The following FRY variants were observed in gnomAD, a reference collection of about 807,000 sequenced individuals.
FRY encodes the protein protein furry homolog.
Under a neutral mutation model 348.4 loss-of-function variants are expected in FRY, and 128 were observed. The observed-to-expected ratio is 0.37, with a 90% CI of 0.32 to 0.43. The LOEUF is 0.43. FRY is among the 20% of genes least tolerant of loss of function. The pLI is 1.00. For missense variants in FRY, 2,736 were observed against 3,695.2 expected (o/e 0.74, Z 6.73); for synonymous variants, 1,370 against 1,374.7 (o/e 1.00, Z 0.08).
chr13:32,255,319 T>A (rs1039516788), intron 51 of FRY, among the ~76,000 whole-genome samples: 4 of 152,200 alleles, frequency 2.6e-5, no homozygotes, highest in African/African-American at 9.6e-5. Context: ...TAGGATTTCC[T>A]GCAGTAGGTA....
At chr13:32,155,283 CCCCTGTTGTTTTCTTATAAT>C (rs1881044279) in intron 14 of FRY, among the ~76,000 whole-genome samples, 188 bp from the exon 15 acceptor site, 1 of 152,190 alleles carries the variant, frequency 6.6e-6, no homozygotes, top group Admixed American at 6.5e-5. Context: ...GGTGAAATCT[CCCCTGTTGTTTTCTTATAAT>C]GCAACAAGAA....
chr13:32,237,646 C>T lies in FRY; in HGVS notation c.6078C>T (p.Asp2026=), dbSNP rs747974313. 4 of 1,614,142 alleles carry T rather than the reference C, an allele frequency of 2.5e-6. No individual in the cohort carries two copies. The highest frequency in any genetic ancestry group is 3.4e-6 in the Non-Finnish European group (4 of 1,179,988). The stretch of plus-strand genomic sequence containing the variant: ...CCAGAAGCTCATCCTCCTTGAAGGA[C>T]AGTCTCACGGACCCATCCCACATAA... ...SKTRSSSSLK[D]SLTDPSHINH... is the part of the protein sequence containing the mutation. Residue 2026 remains aspartate, a synonymous_variant, in exon 44 of 61, where the codon GAC becomes GAT. Transcript: ENST00000542859. This position sits in a 1 kb window ranked among gnomAD's most constrained non-coding sequence, Gnocchi z 6.3.
At chr13:32,275,334 GC>G (rs1272811341) in intron 56 of FRY, among the ~76,000 whole-genome samples, 3 of 151,242 alleles carry the variant, frequency 2.0e-5, no homozygotes, top group African/African-American at 7.3e-5. Flanking sequence ...CTTGCAGTGA[GC>G]CGAGATCACA....
intron 2 of FRY, among the ~76,000 whole-genome samples, chr13:32,091,417 T>A (rs1325627246): frequency 1.3e-5 from 2 of 152,242 alleles, no homozygotes; most frequent in African/African-American, 4.8e-5. Context: ...ACTGTGAGTC[T>A]TCAGGCTCAC....
At chr13:32,127,436 T>C (rs1033341585) in intron 7 of FRY, among the ~76,000 whole-genome samples, 1 of 152,214 alleles carries the variant, frequency 6.6e-6, no homozygotes, top group Non-Finnish European at 1.5e-5. Context: ...CAAATAGATT[T>C]TTTGATGGCT....
chr13:32,066,615 GT>G (rs1173415895), intron 1 of FRY, among the ~76,000 whole-genome samples: 1 of 152,052 alleles, frequency 6.6e-6, no homozygotes, highest in African/African-American at 2.4e-5. Context: ...CTTTTTTTCT[GT>G]TTTAACAGGC....
chr13:32,278,524 T>C lies in FRY; in HGVS notation c.8445T>C (p.Cys2815=), dbSNP rs757818575. The C allele has an allele frequency of 6.3e-7, 1 of 1,586,646 alleles. No homozygotes were observed. Among genetic ancestry groups the C allele is most frequent in the South Asian group, 1.1e-5 (1 of 90,548 alleles). ...GATCAAGAGATGGAGTAATTACCTG[T>C]CAACCAGGGGACTCCGAAGAAAAGG... ...AGGSRDGVIT[C]QPGDSEEKQL... The change falls in exon 58 of 61, where the codon TGT becomes TGC. Residue 2815 remains cysteine (C), a synonymous_variant. Coordinates refer to ENST00000542859, the MANE Select transcript of FRY (RefSeq NM_023037.3).
At chr13:32,068,801 A>T (rs1019369903) in intron 1 of FRY, among the ~76,000 whole-genome samples, 2 of 152,184 alleles carry the variant, frequency 1.3e-5, no homozygotes, top group Non-Finnish European at 2.9e-5. Flanking sequence ...ACAGGCAGTT[A>T]AAATTTATAT....
intron 1 of FRY, among the ~76,000 whole-genome samples, chr13:32,069,001 C>T (rs538842865): frequency 1.3e-3 from 199 of 151,356 alleles, no homozygotes; most frequent in Non-Finnish European, 2.5e-3. Flanking sequence ...CTGCAAGCTC[C>T]GCCTGCCGGG....
chr13:32,261,566 G>T (rs1395506378), intron 51 of FRY, 50 bp from the exon 52 acceptor site: 3 of 1,409,062 alleles, frequency 2.1e-6, no homozygotes, highest in Non-Finnish European at 3.0e-6. Flanking sequence ...GTGAACATGT[G>T]AGTGCAAGAG....
At chr13:32,140,721 T>C (rs1880012360) in intron 11 of FRY, among the ~76,000 whole-genome samples, 1 of 152,220 alleles carries the variant, frequency 6.6e-6, no homozygotes, top group South Asian at 2.1e-4. Context: ...CAGAAAAATC[T>C]CAAAACAAGT....
intron 1 of FRY, among the ~76,000 whole-genome samples, chr13:32,049,554 C>G (rs1044929165): frequency 6.6e-6 from 1 of 152,184 alleles, no homozygotes. Flanking sequence ...CCTGCCTCAG[C>G]CTCCCAAGTA....
At chr13:32,118,266 A>T (rs1027080788) in intron 4 of FRY, among the ~76,000 whole-genome samples, 1 of 152,158 alleles carries the variant, frequency 6.6e-6, no homozygotes, top group Non-Finnish European at 1.5e-5. Context: ...TTTAAAAAGT[A>T]GTTAGATTTC....
intron 4 of FRY, among the ~76,000 whole-genome samples, chr13:32,122,455 G>GA (rs537494910): frequency 0.048 from 6,768 of 141,398 alleles, 181 homozygotes; most frequent in African/African-American, 0.086. Flanking sequence ...AAAAAAAAAA[G>GA]AAAAAAAAAA....
intron 57 of FRY, 71 bp from the exon 58 acceptor site, chr13:32,278,394 A>G (rs905995469): frequency 1.1e-5 from 9 of 847,612 alleles, no homozygotes; most frequent in Admixed American, 1.7e-5. Flanking sequence ...TTTTTTCCTA[A>G]TGGAATTATA....
chr13:32,185,846 C>T (rs986286404), intron 26 of FRY, among the ~76,000 whole-genome samples: 7 of 152,158 alleles, frequency 4.6e-5, no homozygotes, highest in Admixed American at 6.5e-5. Context: ...TTCAGTTTAC[C>T]TCTTCAGTTA....
chr13:32,083,078 A>G (rs1293043182), intron 2 of FRY, among the ~76,000 whole-genome samples: 1 of 152,062 alleles, frequency 6.6e-6, no homozygotes, highest in African/African-American at 2.4e-5. Context: ...TATTTGATGT[A>G]AATTGGACTT....
chr13:32,200,904 C>A (rs909312021), intron 29 of FRY, among the ~76,000 whole-genome samples: 1 of 152,114 alleles, frequency 6.6e-6, no homozygotes, highest in African/African-American at 2.4e-5. Context: ...TAATTCCAGC[C>A]CTCATCAGTT....
intron 33 of FRY, among the ~76,000 whole-genome samples, chr13:32,210,119 A>G (rs1884601950): frequency 6.6e-6 from 1 of 152,268 alleles, no homozygotes; most frequent in African/African-American, 2.4e-5. Context: ...CTCTTGAAAC[A>G]GAATAAGAAA....
Sources: gnomAD v4.1 joint callset for allele counts (sites outside exome capture counted in the v4.1 genomes callset) on GRCh38, gnomAD v4.1.1 for gene constraint, Gnocchi (gnomAD v3.1) non-coding constraint, MANE v1.5 for transcripts, NCBI Gene and HGNC (gene_info 2026-07-23, HGNC 2026-07-21) for gene names.